DNAI7: variants seen among roughly 807,000 people sequenced by gnomAD.
DNAI7 encodes dynein axonemal intermediate chain 7, also known as cancer susceptibility 1.
DNAI7 carries 78 observed loss-of-function variants against 86.6 expected under a neutral mutation model. That is an observed-to-expected ratio of 0.90 (90% confidence interval 0.75 to 1.09). The LOEUF (loss-of-function observed/expected upper bound fraction) is 1.09, where lower values mean the gene tolerates loss of function less well. Ranked by LOEUF, DNAI7 falls within the 50% of genes least tolerant of loss-of-function variation. The probability of loss-of-function intolerance (pLI) is 0.00; values close to 1 mark genes in which losing one functional copy is unlikely to be tolerated. For synonymous variants in DNAI7, 274 were observed against 273.0 expected (o/e 1.00, Z -0.04); for missense variants, 753 against 810.2 (o/e 0.93, Z 0.86).
chr12:25,179,442 A>T (rs73071266), intron 2 of DNAI7, among the ~76,000 whole-genome samples: 2,794 of 152,226 alleles, frequency 0.018, 49 homozygotes, highest in South Asian at 0.068. Context: ...TCTATTAATT[A>T]TTGAAAGAGA....
At chr12:25,125,647 C>T (rs1385763481) in intron 9 of DNAI7, among the ~76,000 whole-genome samples, 1 of 152,138 alleles carries the variant, frequency 6.6e-6, no homozygotes. Context: ...GCTTTTGTTG[C>T]AATTGCGTTT....
chr12:25,159,638 T>C (rs1946612246), intron 3 of DNAI7, among the ~76,000 whole-genome samples: 2 of 152,188 alleles, frequency 1.3e-5, no homozygotes, highest in South Asian at 4.1e-4. Context: ...TTGTGACATC[T>C]ACATCTCAGA....
rs369148706 is a variant in DNAI7, at chr12:25,155,303, A to C, written c.300+8T>G. On this transcript the variant is annotated splice_region_variant and intron_variant, in intron 5 of 15. Transcript: ENST00000395987. ...AGGTATTAGCTAAAAAAGAGAAATC[A>C]GTCCTACCTGAGAAAGCAATTTAGT... is the stretch of plus-strand genomic sequence containing the variant. The C allele has an allele frequency of 3.4e-6, 5 of 1,490,368 alleles. No individual in the cohort carries two copies. Among genetic ancestry groups the C allele is most frequent in the Non-Finnish European group, 4.6e-6 (5 of 1,075,504 alleles). 92.3% of individuals were successfully genotyped at this position (1,490,368 alleles called of 1,614,324 possible).
intron 6 of DNAI7, among the ~76,000 whole-genome samples, chr12:25,152,039 A>G (rs1945613247): frequency 6.6e-6 from 1 of 152,234 alleles, no homozygotes; most frequent in South Asian, 2.1e-4. Flanking sequence ...CTATTATCAT[A>G]TAAGTGTGTT....
In DNAI7 at chr12:25,120,317, G is replaced by GGAGAGAGAGAGAGAGA. The variant is rs369253749; in HGVS notation, c.1240-1032_1240-1017dup. Among the ~76,000 whole-genome samples the GGAGAGAGAGAGAGAGA allele has an allele frequency of 1.2e-3, 95 of 80,782 alleles. 6 individuals are homozygous for GGAGAGAGAGAGAGAGA. The highest frequency in any genetic ancestry group is 7.5e-3 in the Middle Eastern group (1 of 134). The allele number at this position is 80,782 out of a possible 152,430, so 53.0% of individuals were successfully genotyped here. On this transcript the variant is annotated intron_variant, in intron 11 of 15. Transcript: ENST00000395987. ...AGAAGAGAGAGAGAGGCAGGAAGAG[G>GGAGAGAGAGAGAGAGA]GAGAGAGAGAGAGAGAGAGAGAGAG...
intron 11 of DNAI7, among the ~76,000 whole-genome samples, chr12:25,121,164 T>C (rs950240701): frequency 6.6e-6 from 1 of 152,218 alleles, no homozygotes. Flanking sequence ...GCTCATTAAT[T>C]TGCATTTCTA....
intron 2 of DNAI7, among the ~76,000 whole-genome samples, chr12:25,182,968 A>AG (rs1333820499): frequency 6.6e-6 from 1 of 150,790 alleles, no homozygotes; most frequent in East Asian, 1.9e-4. Context: ...GAAGGGAGGA[A>AG]GGGAGGAAGG....
chr12:25,182,320 C>T (rs1451744027), intron 2 of DNAI7, among the ~76,000 whole-genome samples: 1 of 142,190 alleles, frequency 7.0e-6, no homozygotes, highest in African/African-American at 2.6e-5. Flanking sequence ...GCACTCCAGC[C>T]TGGGCAACAA....
At chr12:25,190,057 C>T (rs1470479513) in intron 2 of DNAI7, among the ~76,000 whole-genome samples, 1 of 149,942 alleles carries the variant, frequency 6.7e-6, no homozygotes, top group African/African-American at 2.4e-5. Context: ...ATTTGGACTG[C>T]CAGCCAATGG....
At chr12:25,143,919 G>A (rs4441109) in intron 9 of DNAI7, among the ~76,000 whole-genome samples, 86,473 of 152,026 alleles carry the variant, frequency 0.57, 26,991 homozygotes, top group East Asian at 0.87. Context: ...AAAGATGTCA[G>A]ATTTTCAGAG....
At chr12:25,185,008 T>C (rs1949907940) in intron 2 of DNAI7, among the ~76,000 whole-genome samples, 1 of 150,302 alleles carries the variant, frequency 6.7e-6, no homozygotes, top group Non-Finnish European at 1.5e-5. Flanking sequence ...TTCCCAGGCA[T>C]GGTAGCACAT....
At chr12:25,107,837 G>A (rs775728989), downstream of DNAI7, 1 of 1,613,490 alleles carries the variant, frequency 6.2e-7, no homozygotes, top group Non-Finnish European at 8.5e-7. Flanking sequence ...ATAGCTTCCT[G>A]GGCAACAAAT....
chr12:25,110,817 T>C (rs1683160), intron 14 of DNAI7, among the ~76,000 whole-genome samples: 6,208 of 152,262 alleles, frequency 0.041, 422 homozygotes, highest in African/African-American at 0.14. Flanking sequence ...TTTTTTTAAA[T>C]GTTTTCCTTC....
At chr12:25,114,420 C>T (rs937292908) in intron 13 of DNAI7, among the ~76,000 whole-genome samples, 1 of 152,140 alleles carries the variant, frequency 6.6e-6, no homozygotes, top group Non-Finnish European at 1.5e-5. Flanking sequence ...TCCCTAGTAA[C>T]TTTAGGGTAC....
At position 25,121,708 on chromosome 12, in the gene DNAI7, G is replaced by T. The variant is rs759883833; in HGVS notation, c.1239+45C>A. On this transcript the variant is annotated intron_variant, in intron 11 of 15. Coordinates refer to ENST00000395987, the MANE Select transcript of DNAI7 (RefSeq NM_018272.5). ...ATAATATGAAATAAAGTAAAAGCGT[G>T]AGCAATTATTTTACTTATAAGTTTT... The T allele has an allele frequency of 9.8e-6, 14 of 1,435,438 alleles. No individual in the cohort carries two copies. The South Asian group carries it at 1.6e-4, about 17-fold the overall frequency. The allele number at this position is 1,435,438 out of a possible 1,614,324, so 88.9% of individuals were successfully genotyped here. A position where few individuals can be genotyped will look rare whatever the true frequency, so the allele number is the denominator to read the frequency against.
chr12:25,146,526 G>A (rs1404346990), intron 8 of DNAI7, among the ~76,000 whole-genome samples: 2 of 149,336 alleles, frequency 1.3e-5, no homozygotes, highest in African/African-American at 4.9e-5. Context: ...CTTGAACCTA[G>A]GAGGCAAAGG....
intron 2 of DNAI7, among the ~76,000 whole-genome samples, chr12:25,163,673 C>A (rs971785195): frequency 6.6e-6 from 1 of 152,144 alleles, no homozygotes; most frequent in East Asian, 1.9e-4. Context: ...GGAGATCAAT[C>A]CCCTGTCCTG....
intron 2 of DNAI7, among the ~76,000 whole-genome samples, chr12:25,162,462 TG>T (rs1946943383): frequency 1.3e-5 from 2 of 152,250 alleles, no homozygotes; most frequent in Non-Finnish European, 2.9e-5. Context: ...AAGCAATTTC[TG>T]TGATAACGAC....
chr12:25,107,225 G>A (rs1388184441), downstream of DNAI7, among the ~76,000 whole-genome samples: 1 of 152,094 alleles, frequency 6.6e-6, no homozygotes, highest in African/African-American at 2.4e-5. Flanking sequence ...TCTATTTTGA[G>A]AGACAGACTA....
Sources: allele counts gnomAD v4.1 joint callset (sites outside exome capture counted in the v4.1 genomes callset), GRCh38; gene constraint gnomAD v4.1.1; transcripts MANE v1.5; gene names NCBI Gene and HGNC (gene_info 2026-07-23, HGNC 2026-07-21).